SLC27A1: variants seen among roughly 807,000 people sequenced by gnomAD.
SLC27A1 encodes solute carrier family 27 member 1.
SLC27A1 carries 61 observed loss-of-function variants against 62.2 expected under a neutral mutation model. The observed-to-expected ratio is 0.98, with a 90% CI of 0.80 to 1.21. SLC27A1 has a LOEUF of 1.21. Among genes scored for constraint, SLC27A1 ranks in the 50% most tolerant of loss-of-function variants. The probability of loss-of-function intolerance (pLI) is 0.00; values close to 1 mark genes in which losing one functional copy is unlikely to be tolerated. For synonymous variants in SLC27A1, 435 were observed against 408.6 expected (o/e 1.06, Z -0.78); for missense variants, 903 against 932.1 (o/e 0.97, Z 0.41).
intron 7 of SLC27A1, chr19:17,498,587 T>C (rs11086073): frequency 0.83 from 154,792 of 187,440 alleles, 65,283 homozygotes; most frequent in Non-Finnish European, 0.89. Flanking sequence ...TTTTTCTCCC[T>C]GTGTGCGGAG....
At chr19:17,469,618 G>A (rs997202152), upstream of SLC27A1, among the ~76,000 whole-genome samples, 13 of 152,104 alleles carry the variant, frequency 8.5e-5, no homozygotes, top group African/African-American at 3.1e-4. Flanking sequence ...TCGCCTCTCC[G>A]GTCCGGTTGC....
rs927222413 is a variant in SLC27A1, at chr19:17,505,623, G to A, written c.*1011G>A. On this transcript the variant is annotated 3_prime_UTR_variant, in exon 12 of 12. Transcript: ENST00000252595. ...TGTCACCACTGTCAGCCCCTGCCTT[G>A]ATGTCCCCATTTAGCCATCTCCATG... 6.5e-6 allele frequency: 1 copy of A among 153,112 alleles called. No homozygotes were observed. The highest frequency in any genetic ancestry group is 1.5e-5 in the Non-Finnish European group (1 of 68,738). 9.5% of individuals were successfully genotyped at this position (153,112 alleles called of 1,614,324 possible).
At chr19:17,472,394 CA>C (rs1241729442) in intron 1 of SLC27A1, among the ~76,000 whole-genome samples, 871 of 65,738 alleles carry the variant, frequency 0.013, 13 homozygotes, top group South Asian at 0.11. Flanking sequence ...GACTCCGTCT[CA>C]AAAAAAAAAA....
intron 1 of SLC27A1, among the ~76,000 whole-genome samples, chr19:17,474,627 C>CTT (rs780611616): frequency 1.7e-4 from 22 of 131,410 alleles, no homozygotes; most frequent in Admixed American, 3.1e-4. Context: ...TGACCCCTTT[C>CTT]TTTTTTTTTT....
chr19:17,496,485 G>C (rs2075351259), intron 6 of SLC27A1: 1 of 152,370 alleles, frequency 6.6e-6, no homozygotes, highest in Non-Finnish European at 1.5e-5. Context: ...CAGTCCAGAC[G>C]CAGCGCAGCC....
At chr19:17,497,513 C>A (rs1457882324) in intron 7 of SLC27A1, 49 bp downstream of exon 7, 1 of 1,501,016 alleles carries the variant, frequency 6.7e-7, no homozygotes, top group Non-Finnish European at 9.1e-7. Flanking sequence ...CAGGGAAGAC[C>A]ACTGTCTCCT....
Position 17,470,646 on chromosome 19 carries a change from G to T in SLC27A1, c.106G>T (p.Val36Leu), listed in dbSNP as rs2075066564. Residue 36 changes from valine (V) to leucine (L), a missense_variant, in exon 1 of 12, where the codon GTG becomes TTG. Physicochemically the swap from Val to Leu is conservative, Grantham distance 32. Coordinates refer to ENST00000252595, the MANE Select transcript of SLC27A1 (RefSeq NM_198580.3). ...WSAAAALGVY[V>L]GSGGWRFLRI... ...CGCGGCAGCGGCGCTCGGCGTGTAC[G>T]TGGGCAGCGGCGGCTGGCGCTTCCT... The T allele has an allele frequency of 1.9e-6, 3 of 1,582,602 alleles. No homozygotes were observed. The highest frequency in any genetic ancestry group is 2.6e-6 in the Non-Finnish European group (3 of 1,170,844).
upstream of SLC27A1, among the ~76,000 whole-genome samples, chr19:17,469,411 T>C (rs750718022): frequency 3.4e-4 from 52 of 151,382 alleles, 1 homozygote; most frequent in Non-Finnish European, 4.3e-4. Context: ...GGGTGTGGAC[T>C]GGGATATTTT....
chr19:17,475,434 G>C (rs1044975610), intron 1 of SLC27A1, among the ~76,000 whole-genome samples: 1 of 152,088 alleles, frequency 6.6e-6, no homozygotes, highest in Non-Finnish European at 1.5e-5. Context: ...TACTCAGGAG[G>C]CTGAGTGGGA....
At chr19:17,470,341 G>C, upstream of SLC27A1, 1 of 589,406 alleles carries the variant, frequency 1.7e-6, no homozygotes, top group South Asian at 2.9e-5. Context: ...GGAAAGGGGC[G>C]ATGCCTGGCC....
In SLC27A1 at chr19:17,501,439, C is replaced by T. The variant is rs1026156939; in HGVS notation, c.1783+20C>T. 6.2e-7 allele frequency: 1 copy of T among 1,607,122 alleles called. No individual in the cohort carries two copies. Reference sequence around the variant, plus strand: ...CCACAGGTGCGAGTCTCCCCCACTCCAATCTCTCTCTTCATCCATCAGTGT... The same window carrying T: ...CCACAGGTGCGAGTCTCCCCCACTCTAATCTCTCTCTTCATCCATCAGTGT... On this transcript the variant is annotated intron_variant, in intron 11 of 11. Transcript: ENST00000252595.
chr19:17,499,810 A>G (rs140584872), intron 7 of SLC27A1: 3 of 160,620 alleles, frequency 1.9e-5, no homozygotes, highest in African/African-American at 7.2e-5. Context: ...AAGACTCTAT[A>G]AAAAAAGGAA....
intron 6 of SLC27A1, among the ~76,000 whole-genome samples, chr19:17,495,227 G>A (rs1232152224): frequency 2.6e-5 from 4 of 151,368 alleles, no homozygotes; most frequent in African/African-American, 7.3e-5. Flanking sequence ...TGCCCACCTC[G>A]GCCCCCCAAA....
In SLC27A1 at chr19:17,486,806, C is replaced by A. The variant is rs762904531; in HGVS notation, c.411C>A (p.Gly137=). 1 of 1,597,358 alleles carries A rather than the reference C, an allele frequency of 6.3e-7. No individual in the cohort carries two copies. Among genetic ancestry groups the A allele is most frequent in the Non-Finnish European group, 8.5e-7 (1 of 1,173,772 alleles). ...PGDVVAIFLE[G]RPEFVGLWLG... ...ACGTGGTGGCCATCTTCCTGGAGGG[C>A]CGGCCGGAGTTCGTGGGGCTGTGGC... Residue 137 remains glycine (G), a synonymous_variant, in exon 2 of 12, where the codon GGC becomes GGA. Coordinates refer to ENST00000252595, the MANE Select transcript of SLC27A1 (RefSeq NM_198580.3). The surrounding 1 kb of genome is among the most constrained non-coding windows in gnomAD (Gnocchi z 6.6).
rs1338715750 is a variant in SLC27A1 at position 17,504,917 on chromosome 19, G to C, written c.*305G>C. On this transcript the variant is annotated 3_prime_UTR_variant, in exon 12 of 12. Transcript: ENST00000252595. The stretch of plus-strand genomic sequence containing the variant: ...CTTTCTTTCTTTTTTTTTTAAGATA[G>C]AGTCTCACTCTGCTGCCCGGGCTAG... 4 of 509,002 alleles carry C rather than the reference G, an allele frequency of 7.9e-6. No individual in the cohort carries two copies. Among genetic ancestry groups the C allele is most frequent in the Non-Finnish European group, 1.5e-5 (4 of 264,156 alleles). 31.5% of individuals were successfully genotyped at this position (509,002 alleles called of 1,614,324 possible).
At chr19:17,487,006 C>T (rs2075239469) in intron 2 of SLC27A1, 49 bp downstream of exon 2, 3 of 1,538,876 alleles carry the variant, frequency 1.9e-6, no homozygotes, top group Admixed American at 3.8e-5. Flanking sequence ...GGACTGGCCC[C>T]TGGGCGGGCG....
chr19:17,487,093 C>T (rs1452794275), intron 2 of SLC27A1, 81 bp from the exon 3 acceptor site: 1 of 1,597,856 alleles, frequency 6.3e-7, no homozygotes, highest in East Asian at 2.2e-5. Flanking sequence ...GGGTATGCCC[C>T]GGGCAGGGAG....
intron 1 of SLC27A1, among the ~76,000 whole-genome samples, chr19:17,480,426 A>G (rs777986081): frequency 6.6e-6 from 1 of 151,210 alleles, no homozygotes; most frequent in Non-Finnish European, 1.5e-5. Flanking sequence ...GCTCAATTGC[A>G]GTGGCATTAT....
chr19:17,478,972 G>A (rs1003869254), intron 1 of SLC27A1, among the ~76,000 whole-genome samples: 5 of 151,780 alleles, frequency 3.3e-5, no homozygotes, highest in East Asian at 1.9e-4. Flanking sequence ...TGAGTATGGC[G>A]GTGAATGGCA....
Sources: allele counts gnomAD v4.1 joint callset (sites outside exome capture counted in the v4.1 genomes callset), GRCh38; gene constraint gnomAD v4.1.1; non-coding constraint Gnocchi (gnomAD v3.1); transcripts MANE v1.5; gene names NCBI Gene and HGNC (gene_info 2026-07-23, HGNC 2026-07-21).